ZNF10: variants seen among roughly 807,000 people sequenced by gnomAD.
The protein encoded by ZNF10 is zinc finger protein 10.
ZNF10 carries 8 observed loss-of-function variants against 12.2 expected under a neutral mutation model. The ratio of observed to expected loss-of-function variants is 0.66; its 90% confidence interval spans 0.39 to 1.18. ZNF10 has a LOEUF of 1.18. ZNF10 is among the 50% of genes most tolerant of loss of function. ZNF10 has a pLI of 0.01. For synonymous variants in ZNF10, 229 were observed against 228.2 expected (o/e 1.00, Z -0.03); for missense variants, 603 against 678.9 (o/e 0.89, Z 1.24).
chr12:133,155,665 A>C lies in ZNF10; in HGVS notation c.419A>C (p.Gln140Pro). Residue 140 changes from glutamine to proline, a missense_variant, in exon 5 of 5, where the codon CAG (glutamine) becomes CCG (proline). Physicochemically the swap from Gln to Pro is moderately conservative, Grantham distance 76 (BLOSUM62 -1). This residue lies in a region of ZNF10 where 393 missense variants were observed against 399.7 expected (regional missense o/e 0.98). Transcript: ENST00000248211. ...TGTAGAGACCAGTTAGACAAGTATCAGGAAAACCCAGAGAGACATTTGAGG... is the reference window on the plus strand; with the variant it reads ...TGTAGAGACCAGTTAGACAAGTATCCGGAAAACCCAGAGAGACATTTGAGG... ...WKCRDQLDKYQENPERHLRQV... is the reference protein window; with the variant it reads ...WKCRDQLDKYPENPERHLRQV... 6.2e-7 allele frequency: 1 copy of C among 1,613,568 alleles called. No homozygotes were observed. The highest frequency in any genetic ancestry group is 2.2e-5 in the East Asian group (1 of 44,874).
At chr12:133,148,566 A>G (rs569884299) in intron 2 of ZNF10, among the ~76,000 whole-genome samples, 1 of 152,284 alleles carries the variant, frequency 6.6e-6, no homozygotes, top group South Asian at 2.1e-4. Context: ...TTTTTTGCAG[A>G]TTGACACATT....
At chr12:133,135,746 T>G (rs1225167244) in intron 1 of ZNF10, among the ~76,000 whole-genome samples, 1 of 152,252 alleles carries the variant, frequency 6.6e-6, no homozygotes, top group Admixed American at 6.5e-5. Flanking sequence ...TGTTGTTGAT[T>G]GCACACATTT....
intron 1 of ZNF10, among the ~76,000 whole-genome samples, chr12:133,140,537 A>G (rs923358523): frequency 3.3e-5 from 5 of 150,382 alleles, no homozygotes; most frequent in African/African-American, 9.8e-5. Flanking sequence ...GGTCAATACT[A>G]TTTTATCTCT....
intron 1 of ZNF10, chr12:133,144,186 T>G: frequency 4.3e-6 from 1 of 229,974 alleles, no homozygotes. Context: ...GATCATTCAG[T>G]TTTAAATCTT....
chr12:133,138,010 C>G (rs777140718), intron 1 of ZNF10, among the ~76,000 whole-genome samples: 1 of 151,232 alleles, frequency 6.6e-6, no homozygotes, highest in African/African-American at 2.4e-5. Context: ...GTTTCTCAAC[C>G]TTAGCTATAC....
chr12:133,155,387 T>C (rs1296571989), intron 4 of ZNF10, 116 bp from the exon 5 acceptor site: 2 of 1,111,916 alleles, frequency 1.8e-6, no homozygotes, highest in Non-Finnish European at 2.5e-6. Flanking sequence ...ATCAAAGTTA[T>C]AAAGCCATAT....
In ZNF10 at chr12:133,156,106, A is replaced by G. The variant is rs1956039389; in HGVS notation, c.860A>G (p.His287Arg). The G allele has an allele frequency of 6.2e-7, 1 of 1,613,358 alleles. No homozygotes were observed. The highest frequency in any genetic ancestry group is 1.1e-5 in the South Asian group (1 of 91,072). Residue 287 changes from histidine (H) to arginine (R), a missense_variant, in exon 5 of 5, where the codon CAT becomes CGT. Physicochemically the swap from His to Arg is conservative, Grantham distance 29. Around this residue, in one of 3 missense-constraint regions of ZNF10, gnomAD observed 393 missense variants for 399.7 expected, o/e 0.98. Coordinates refer to ENST00000248211, the MANE Select transcript of ZNF10 (RefSeq NM_015394.5). ...AATCTTACTAGGCATCAGCTTATTC[A>G]TACTGGAGAAAAACCCTATGAGTGT... The part of the protein sequence containing the change: ...RSNLTRHQLI[H>R]TGEKPYECKE...
chr12:133,144,836 C>T, intron 2 of ZNF10: 2 of 485,912 alleles, frequency 4.1e-6, no homozygotes, highest in South Asian at 3.1e-5. Flanking sequence ...AAAAGATCAA[C>T]TCATGCTGAC....
At chr12:133,134,820 C>A (rs1003119623) in intron 1 of ZNF10, among the ~76,000 whole-genome samples, 1 of 98,900 alleles carries the variant, frequency 1.0e-5, no homozygotes, top group African/African-American at 4.3e-5. Flanking sequence ...ATATAGTCTT[C>A]TAGGAGATTT....
In ZNF10 at chr12:133,156,132, A is replaced by G. The variant is rs780419237; in HGVS notation, c.886A>G (p.Lys296Glu). The change falls in exon 5 of 5, where the codon AAA (lysine) becomes GAA (glutamate). Residue 296 changes from lysine to glutamate, a missense_variant. By Grantham distance (56) the Lys-to-Glu change is moderately conservative. This residue lies in a region of ZNF10 where 393 missense variants were observed against 399.7 expected (regional missense o/e 0.98). Transcript: ENST00000248211. ...TACTGGAGAAAAACCCTATGAGTGT[A>G]AAGAATGTGGAAAGTCTTTCAGCCG... ...IHTGEKPYECKECGKSFSRSS... is the reference protein window; with the variant it reads ...IHTGEKPYECEECGKSFSRSS... 1.2e-6 allele frequency: 2 copies of G among 1,613,592 alleles called. No homozygotes were observed. Among genetic ancestry groups the G allele is most frequent in the Non-Finnish European group, 1.7e-6 (2 of 1,180,024 alleles).
At position 133,158,330 on chromosome 12, in the gene ZNF10, T is replaced by C. The variant is rs944997399; in HGVS notation, c.*1362T>C. The C allele has an allele frequency of 2.6e-5, 4 of 152,312 alleles. No individual in the cohort carries two copies. The highest frequency in any genetic ancestry group is 4.4e-5 in the Non-Finnish European group (3 of 68,018). The allele number at this position is 152,312 out of a possible 1,614,324, so 9.4% of individuals were successfully genotyped here. On this transcript the variant is annotated 3_prime_UTR_variant, in exon 5 of 5. Transcript: ENST00000248211. ...TTTAATTGAAATCTGCTTGTGTGCTTATAAGAATTTACTGAGTTCTCACTT... is the reference window on the plus strand; with the variant it reads ...TTTAATTGAAATCTGCTTGTGTGCTCATAAGAATTTACTGAGTTCTCACTT...
intron 2 of ZNF10, among the ~76,000 whole-genome samples, chr12:133,149,001 C>G (rs59161681): frequency 6.6e-6 from 1 of 152,114 alleles, no homozygotes; most frequent in Non-Finnish European, 1.5e-5. Context: ...ATCCGCCCGC[C>G]TCAGCCTCCC....
chr12:133,139,946 G>A (rs1459162891), intron 1 of ZNF10, among the ~76,000 whole-genome samples: 2 of 151,894 alleles, frequency 1.3e-5, no homozygotes, highest in Admixed American at 1.3e-4. Flanking sequence ...ACCCACACCT[G>A]TAATCCCAGT....
intron 4 of ZNF10, 120 bp from the exon 5 acceptor site, chr12:133,155,383 G>T (rs972588706): frequency 5.5e-6 from 6 of 1,088,798 alleles, no homozygotes. Context: ...CTCTATCAAA[G>T]TTATAAAGCC....
intron 1 of ZNF10, among the ~76,000 whole-genome samples, chr12:133,135,600 C>T (rs749817022): frequency 1.2e-4 from 18 of 152,312 alleles, no homozygotes; most frequent in African/African-American, 3.8e-4. Flanking sequence ...CTGCAAACTT[C>T]GGTATCCCTC....
chr12:133,144,377 A>G (rs1280122798), intron 1 of ZNF10, 57 bp from the exon 2 acceptor site: 7 of 1,075,116 alleles, frequency 6.5e-6, no homozygotes, highest in Non-Finnish European at 9.6e-6. Flanking sequence ...TAGACTGACA[A>G]TTTAGGGAGC....
intron 1 of ZNF10, among the ~76,000 whole-genome samples, chr12:133,133,641 AAGTGATCCTTAG>A (rs1955893506): frequency 6.6e-6 from 1 of 152,196 alleles, no homozygotes; most frequent in African/African-American, 2.4e-5. Flanking sequence ...GATGGCATTA[AAGTGATCCTTAG>A]AGAATATGGG....
At position 133,156,626 on chromosome 12, in the gene ZNF10, A is replaced by G. The variant is rs752999328; in HGVS notation, c.1380A>G (p.Pro460=). The change falls in exon 5 of 5, where the codon CCA becomes CCG. Residue 460 remains proline (P), a synonymous_variant. Transcript: ENST00000248211. ...AAAGAACCCACACTGGAGAGAAACC[A>G]TATGAGTGTCATGATTGTGGAAAAT... ...SHQRTHTGEK[P]YECHDCGKSF... is the part of the protein sequence containing the mutation. 8.1e-6 allele frequency: 13 copies of G among 1,613,920 alleles called. No homozygotes were observed. The African/African-American group carries it at 1.1e-4, about 13-fold the overall frequency.
chr12:133,137,263 A>T (rs993598450), intron 1 of ZNF10, among the ~76,000 whole-genome samples: 1 of 152,128 alleles, frequency 6.6e-6, no homozygotes, highest in South Asian at 2.1e-4. Context: ...AGTCCATTAC[A>T]CAGCTACCCC....
Sources: gnomAD v4.1 joint callset for allele counts (sites outside exome capture counted in the v4.1 genomes callset) on GRCh38, gnomAD v4.1.1 for gene constraint, gnomAD v4.1.1 regional missense constraint, MANE v1.5 for transcripts, NCBI Gene and HGNC (gene_info 2026-07-23, HGNC 2026-07-21) for gene names.